PLD5: variants seen among roughly 807,000 people sequenced by gnomAD.
PLD5 encodes the protein inactive phospholipase D5.
A neutral mutation model predicts 61.1 loss-of-function variants in PLD5; 36 were observed. The observed-to-expected ratio is 0.59, with a 90% CI of 0.45 to 0.78. The LOEUF (loss-of-function observed/expected upper bound fraction) is 0.78, where lower values mean the gene tolerates loss of function less well. PLD5 is among the 30% of genes least tolerant of loss of function. PLD5 has a pLI of 0.00. For missense variants in PLD5, 515 were observed against 644.4 expected, an observed-to-expected ratio of 0.80 and a Z score of 2.17; for synonymous variants, 243 against 242.8, an observed-to-expected ratio of 1.00 and a Z score of -0.01.
chr1:242,271,211 G>C (rs1443073522), intron 3 of PLD5, among the ~76,000 whole-genome samples: 64,454 of 91,250 alleles, frequency 0.71, 20,149 homozygotes, highest in South Asian at 0.74. Context: ...CAGAGAGAGA[G>C]AGAGAGAGAG....
At chr1:242,188,182 C>A (rs1222300806) in intron 5 of PLD5, among the ~76,000 whole-genome samples, 1 of 152,092 alleles carries the variant, frequency 6.6e-6, no homozygotes, top group Non-Finnish European at 1.5e-5. Context: ...TAGAAATCAA[C>A]TGGATCACAG....
intron 2 of PLD5, among the ~76,000 whole-genome samples, chr1:242,293,875 TA>T (rs1381307395): frequency 6.6e-6 from 1 of 152,190 alleles, no homozygotes; most frequent in Non-Finnish European, 1.5e-5. Context: ...AAAAGGTCTC[TA>T]AAAACCAGCT....
At chr1:242,276,082 A>G (rs986360178) in intron 3 of PLD5, among the ~76,000 whole-genome samples, 40 of 152,248 alleles carry the variant, frequency 2.6e-4, no homozygotes, top group African/African-American at 9.6e-4. Flanking sequence ...TCATGCCTGT[A>G]ATCACAACCA....
intron 1 of PLD5, among the ~76,000 whole-genome samples, chr1:242,371,752 A>T (rs919015009): frequency 1.3e-5 from 2 of 152,208 alleles, no homozygotes; most frequent in African/African-American, 2.4e-5. Flanking sequence ...AATACAAATG[A>T]TGACATCCTG....
chr1:242,345,911 G>C (rs61848687), intron 2 of PLD5, among the ~76,000 whole-genome samples: 1 of 151,842 alleles, frequency 6.6e-6, no homozygotes. Context: ...CACACAAGAA[G>C]TGTATGTTGT....
At chr1:242,118,806 C>T (rs575186883) in intron 6 of PLD5, among the ~76,000 whole-genome samples, 1 of 152,224 alleles carries the variant, frequency 6.6e-6, no homozygotes, top group East Asian at 1.9e-4. Context: ...TGGTACTTTG[C>T]TATGTGTTCT....
chr1:242,345,471 A>C, intron 2 of PLD5: 1 of 662,726 alleles, frequency 1.5e-6, no homozygotes. Flanking sequence ...AGTATTGGGA[A>C]GTAAATTCTT....
intron 4 of PLD5, among the ~76,000 whole-genome samples, chr1:242,244,069 T>A (rs1365795158): frequency 6.6e-6 from 1 of 152,206 alleles, no homozygotes; most frequent in Non-Finnish European, 1.5e-5. Flanking sequence ...TCAGAATAAA[T>A]ATGCCTTCCA....
At chr1:242,268,854 A>T (rs2149108889) in intron 3 of PLD5, among the ~76,000 whole-genome samples, 1 of 152,112 alleles carries the variant, frequency 6.6e-6, no homozygotes, top group South Asian at 2.1e-4. Context: ...TTTTAATTTT[A>T]ACTTTTGAGA....
rs1331505478 is a variant in PLD5 at position 242,084,571 on chromosome 1, T to C, written c.*5283A>G. The stretch of plus-strand genomic sequence containing the variant: ...TGACACTCTAGGCTGTCAACTTCTA[T>C]GCCCAAATGGGAAGGGAATTTACAC... On this transcript the variant is annotated 3_prime_UTR_variant, in exon 10 of 10. Transcript: ENST00000536534. The C allele has an allele frequency of 1.3e-5, 2 of 152,056 alleles. No homozygotes were observed. The highest frequency in any genetic ancestry group is 1.9e-4 in the East Asian group (1 of 5,182). The allele number at this position is 152,056 out of a possible 1,614,324, so 9.4% of individuals were successfully genotyped here. A position where few individuals can be genotyped will look rare whatever the true frequency, so the allele number is the denominator to read the frequency against.
intron 4 of PLD5, among the ~76,000 whole-genome samples, chr1:242,260,215 C>T (rs1310858631): frequency 4.6e-5 from 7 of 151,984 alleles, no homozygotes; most frequent in Non-Finnish European, 8.8e-5. Context: ...GGGCTGGTGT[C>T]ATGCACCTAT....
chr1:242,510,075 G>A (rs1381613980), intron 1 of PLD5, among the ~76,000 whole-genome samples: 1 of 152,094 alleles, frequency 6.6e-6, no homozygotes, highest in East Asian at 1.9e-4. Context: ...TGTTTTATTA[G>A]TATGAATGAA....
At chr1:242,239,306 G>T (rs562723667) in intron 4 of PLD5, among the ~76,000 whole-genome samples, 25 of 152,228 alleles carry the variant, frequency 1.6e-4, no homozygotes, top group Non-Finnish European at 3.2e-4. Flanking sequence ...GTCCTTGTTG[G>T]TGGAATGAAT....
intron 1 of PLD5, among the ~76,000 whole-genome samples, chr1:242,465,868 G>T (rs192830184): frequency 1.3e-3 from 196 of 152,332 alleles, no homozygotes; most frequent in Non-Finnish European, 2.1e-3. Flanking sequence ...GGCGGAGGTT[G>T]CAGTGAGCCG....
At chr1:242,438,839 A>C (rs1048216651) in intron 1 of PLD5, among the ~76,000 whole-genome samples, 1 of 152,122 alleles carries the variant, frequency 6.6e-6, no homozygotes, top group African/African-American at 2.4e-5. Flanking sequence ...TTTAATTGAT[A>C]ATTAGTTTCC....
At chr1:242,216,237 T>C (rs928340146) in intron 5 of PLD5, among the ~76,000 whole-genome samples, 4 of 152,212 alleles carry the variant, frequency 2.6e-5, no homozygotes, top group Non-Finnish European at 5.9e-5. Context: ...CACAGCTGTA[T>C]GCTTCAGTCA....
chr1:242,529,165 A>T (rs763336636), upstream of PLD5, among the ~76,000 whole-genome samples: 17 of 152,242 alleles, frequency 1.1e-4, no homozygotes, highest in Non-Finnish European at 1.9e-4. Context: ...ACAAAATTAA[A>T]GTAGTCCCAG....
intron 1 of PLD5, among the ~76,000 whole-genome samples, chr1:242,473,324 A>G (rs935673413): frequency 2.0e-5 from 3 of 152,232 alleles, no homozygotes; most frequent in African/African-American, 7.2e-5. Flanking sequence ...TATAAATTTG[A>G]AGTATGTCCT....
intron 1 of PLD5, among the ~76,000 whole-genome samples, chr1:242,504,351 T>C (rs1277858971): frequency 6.6e-6 from 1 of 152,182 alleles, no homozygotes; most frequent in Non-Finnish European, 1.5e-5. Flanking sequence ...AATAGACTAA[T>C]ATGAGCATCA....
Sources: allele counts gnomAD v4.1 joint callset (sites outside exome capture counted in the v4.1 genomes callset), GRCh38; gene constraint gnomAD v4.1.1; transcripts MANE v1.5; gene names NCBI Gene and HGNC (gene_info 2026-07-23, HGNC 2026-07-21).